The following ST3GAL1 variants were observed in gnomAD, a reference collection of about 807,000 sequenced individuals.
ST3GAL1 encodes the protein ST3 beta-galactoside alpha-2,3-sialyltransferase 1, also known as CMP-N-acetylneuraminate-beta-galactosamide-alpha-2,3-sialyltransferase 1.
A neutral mutation model predicts 34.1 loss-of-function variants in ST3GAL1; 16 were observed. That is an observed-to-expected ratio of 0.47 (90% CI 0.32 to 0.71). The LOEUF (loss-of-function observed/expected upper bound fraction) is 0.71. ST3GAL1 is among the 30% of genes least tolerant of loss of function. The pLI, the probability that ST3GAL1 is intolerant of heterozygous loss-of-function variation, is 0.04. For missense variants in ST3GAL1, 353 were observed against 447.4 expected (o/e 0.79, Z 1.90); for synonymous variants, 191 against 184.7 (o/e 1.03, Z -0.28).
At chr8:133,517,049 A>C (rs1817667155) in intron 2 of ST3GAL1, among the ~76,000 whole-genome samples, 1 of 152,212 alleles carries the variant, frequency 6.6e-6, no homozygotes, top group African/African-American at 2.4e-5. Flanking sequence ...CTGGCATAAG[A>C]GCTGTTTTCC....
intron 2 of ST3GAL1, among the ~76,000 whole-genome samples, chr8:133,538,790 G>A (rs912546085): frequency 6.6e-6 from 1 of 152,190 alleles, no homozygotes; most frequent in African/African-American, 2.4e-5. Context: ...TCTTGACATT[G>A]CAGGTATTTC....
intron 2 of ST3GAL1, among the ~76,000 whole-genome samples, chr8:133,528,009 GAAA>G (rs34406789): frequency 7.8e-5 from 11 of 140,344 alleles, no homozygotes; most frequent in East Asian, 2.1e-4. Context: ...CATCTCTACT[GAAA>G]AAAAAAAAAA....
chr8:133,457,074 G>C lies in ST3GAL1; in HGVS notation c.*2690C>G, dbSNP rs568837433. On this transcript the variant is annotated 3_prime_UTR_variant, in exon 10 of 10. Coordinates refer to ENST00000522652, the MANE Select transcript of ST3GAL1 (RefSeq NM_173344.3). ...TTTTCTGATTAAACATCAGGAACTA[G>C]AGTCAACAATCGCTGTCCTCTCCCG... is the stretch of plus-strand genomic sequence containing the variant. The C allele has an allele frequency of 6.6e-6, 1 of 152,262 alleles. No individual in the cohort carries two copies. Among genetic ancestry groups the C allele is most frequent in the Non-Finnish European group, 1.5e-5 (1 of 68,078 alleles). 9.4% of individuals were successfully genotyped at this position (152,262 alleles called of 1,614,324 possible).
intron 2 of ST3GAL1, among the ~76,000 whole-genome samples, chr8:133,510,857 T>C (rs1293966809): frequency 6.6e-6 from 1 of 152,166 alleles, no homozygotes; most frequent in Non-Finnish European, 1.5e-5. Context: ...CAGCAGAGAC[T>C]CGGAGCAAAC....
intron 8 of ST3GAL1, 71 bp downstream of exon 8, chr8:133,463,343 C>A: frequency 1.3e-6 from 2 of 1,572,870 alleles, no homozygotes; most frequent in South Asian, 1.1e-5. Flanking sequence ...CAACTCAATG[C>A]CGTACCTTAG....
In ST3GAL1 at chr8:133,540,842, C is replaced by CATATATATAGACAT. The variant is rs1563734046; in HGVS notation, c.-429+4931_-429+4932insATGTCTATATATAT. Among the ~76,000 whole-genome samples the CATATATATAGACAT allele has an allele frequency of 2.9e-3, 226 of 78,530 alleles. 8 individuals carry two copies. The highest frequency in any genetic ancestry group is 0.014 in the Middle Eastern group (2 of 140). The allele number at this position is 78,530 out of a possible 152,430, so 51.5% of individuals were successfully genotyped here. A position where few individuals can be genotyped will look rare whatever the true frequency, so the allele number is the denominator to read the frequency against. On this transcript the variant is annotated intron_variant, in intron 2 of 9. Transcript: ENST00000522652. ...ATATATAGACATATATATAGAGAGA[C>CATATATATAGACAT]ATATATATAGAGACATATATATAGA...
Position 133,459,818 on chromosome 8 carries a change from G to A in ST3GAL1, c.969C>T (p.Asn323=), listed in dbSNP as rs1815428351. The change falls in exon 10 of 10, where the codon AAC becomes AAT. Residue 323 remains asparagine (N), a synonymous_variant. Coordinates refer to ENST00000522652, the MANE Select transcript of ST3GAL1 (RefSeq NM_173344.3). The surrounding 1 kb of genome is among the most constrained non-coding windows in gnomAD (Gnocchi z 4.7). ...TGATGGAGGCCAAGGTGGCCGTCAC[G>A]TTAGACTCAAAGTCTGCATCGTGCA... ...TGVHDADFES[N]VTATLASINK... 5 of 1,613,890 alleles carry A rather than the reference G, an allele frequency of 3.1e-6. No homozygotes were observed. The highest frequency in any genetic ancestry group is 2.2e-5 in the East Asian group (1 of 44,858).
intron 5 of ST3GAL1, among the ~76,000 whole-genome samples, chr8:133,471,104 C>T (rs1379556168): frequency 2.6e-5 from 4 of 152,180 alleles, no homozygotes; most frequent in Non-Finnish European, 5.9e-5. Context: ...TGGCCTTCCA[C>T]ACATGGGTGG....
chr8:133,524,398 T>G (rs1340666472), intron 2 of ST3GAL1, among the ~76,000 whole-genome samples: 2 of 152,150 alleles, frequency 1.3e-5, no homozygotes, highest in Non-Finnish European at 2.9e-5. Flanking sequence ...GAGACCAGCA[T>G]TTTGCAGGTG....
At chr8:133,566,035 G>A (rs1205699244) in intron 1 of ST3GAL1, among the ~76,000 whole-genome samples, 1 of 152,240 alleles carries the variant, frequency 6.6e-6, no homozygotes, top group Non-Finnish European at 1.5e-5. Flanking sequence ...AGGCCACATA[G>A]GAAGGGCTCC....
At chr8:133,501,325 T>C (rs368905952) in intron 2 of ST3GAL1, among the ~76,000 whole-genome samples, 1 of 152,278 alleles carries the variant, frequency 6.6e-6, no homozygotes, top group African/African-American at 2.4e-5. Flanking sequence ...TAAGTTCTCC[T>C]ATGCCCGTCC....
rs1817394465 is a variant in ST3GAL1, at chr8:133,508,004, C to CTCTCA, written c.-428-8816_-428-8815insTGAGA. 6.6e-6 allele frequency among the ~76,000 whole-genome samples: 1 copy of CTCTCA among 152,114 alleles called. No individual in the cohort carries two copies. The highest frequency in any genetic ancestry group is 1.5e-5 in the Non-Finnish European group (1 of 68,020). On this transcript the variant is annotated intron_variant, in intron 2 of 9. Transcript: ENST00000522652. The surrounding 1 kb of genome is among the most constrained non-coding windows in gnomAD (Gnocchi z 4.1). Reference sequence around the variant, plus strand: ...GAGGAGCTGCCTCCCCTGGGAGGTGCCCACCCTCTCACCCCCCACACCCTA... The same window carrying CTCTCA: ...GAGGAGCTGCCTCCCCTGGGAGGTGCTCTCACCACCCTCTCACCCCCCACACCCTA...
At chr8:133,524,701 C>G (rs1362934462) in intron 2 of ST3GAL1, among the ~76,000 whole-genome samples, 1 of 152,274 alleles carries the variant, frequency 6.6e-6, no homozygotes, top group Non-Finnish European at 1.5e-5. Context: ...GGCACTGGCA[C>G]AGGTGCCAGC....
At chr8:133,513,755 C>T (rs1371682162) in intron 2 of ST3GAL1, among the ~76,000 whole-genome samples, 1 of 152,004 alleles carries the variant, frequency 6.6e-6, no homozygotes, top group Non-Finnish European at 1.5e-5. Context: ...TAAAAATAGC[C>T]AGGCGTGGTG....
intron 2 of ST3GAL1, among the ~76,000 whole-genome samples, chr8:133,532,248 G>A (rs1818177918): frequency 6.6e-6 from 1 of 152,072 alleles, no homozygotes; most frequent in South Asian, 2.1e-4. Flanking sequence ...GCGGCGGGTG[G>A]ATCACCTGAG....
chr8:133,493,492 A>T (rs967325531), intron 3 of ST3GAL1, among the ~76,000 whole-genome samples: 7 of 152,150 alleles, frequency 4.6e-5, no homozygotes, highest in African/African-American at 1.7e-4. Context: ...GATGCTGTGT[A>T]TAAGCCTCAG....
At chr8:133,547,556 G>A (rs1187341638) in intron 1 of ST3GAL1, among the ~76,000 whole-genome samples, 1 of 152,182 alleles carries the variant, frequency 6.6e-6, no homozygotes, top group Non-Finnish European at 1.5e-5. Context: ...GCAAGCCTGA[G>A]GTAGCCCCCT....
chr8:133,501,044 C>G (rs770401418), intron 2 of ST3GAL1, among the ~76,000 whole-genome samples: 1 of 152,206 alleles, frequency 6.6e-6, no homozygotes, highest in Non-Finnish European at 1.5e-5. Flanking sequence ...GCTGTCCCCA[C>G]GGCCTTTAAT....
At chr8:133,507,516 G>A (rs1817381195) in intron 2 of ST3GAL1, among the ~76,000 whole-genome samples, 1 of 152,160 alleles carries the variant, frequency 6.6e-6, no homozygotes, top group Non-Finnish European at 1.5e-5. Flanking sequence ...CTTCCACCTT[G>A]CAGGCACGGG....
Sources: allele counts gnomAD v4.1 joint callset (sites outside exome capture counted in the v4.1 genomes callset), GRCh38; gene constraint gnomAD v4.1.1; non-coding constraint Gnocchi (gnomAD v3.1); transcripts MANE v1.5; gene names NCBI Gene and HGNC (gene_info 2026-07-23, HGNC 2026-07-21).